LEPROTL1: variants seen among roughly 807,000 people sequenced by gnomAD.
LEPROTL1 encodes the protein leptin receptor overlapping transcript-like 1.
In LEPROTL1, 6 loss-of-function variants were observed where a neutral mutation model predicts 15.4. The ratio of observed to expected loss-of-function variants is 0.39; its 90% CI spans 0.21 to 0.77. LEPROTL1 has a LOEUF of 0.77. LEPROTL1 is among the 30% of genes least tolerant of loss of function. The probability of loss-of-function intolerance (pLI) is 0.41; values close to 1 mark genes in which losing one functional copy is unlikely to be tolerated. For synonymous variants in LEPROTL1, 56 were observed against 52.6 expected, an observed-to-expected ratio of 1.06 and a Z score of -0.28; for missense variants, 128 against 158.1, an observed-to-expected ratio of 0.81 and a Z score of 1.02.
rs79583862 is a variant in LEPROTL1, at chr8:30,106,293, A to G, written c.*431A>G. On this transcript the variant is annotated 3_prime_UTR_variant, in exon 4 of 4. Transcript: ENST00000321250. The stretch of plus-strand genomic sequence containing the variant: ...AAATTATTTAGCCTCCATTATTACA[A>G]AAAATTATAAAAATAAGTTTTCAGT... The G allele has an allele frequency of 5.0e-3, 4,972 of 985,956 alleles. 208 individuals are homozygous for G. In the African/African-American group the frequency reaches 0.082, roughly 16 times the overall value. 61.1% of individuals were successfully genotyped at this position (985,956 alleles called of 1,614,324 possible).
chr8:30,127,101 TC>T (rs1372254124), intron 3 of LEPROTL1, among the ~76,000 whole-genome samples: 1 of 152,120 alleles, frequency 6.6e-6, no homozygotes, highest in African/African-American at 2.4e-5. Flanking sequence ...TCATGACACT[TC>T]CTAGGTGATG....
chr8:30,109,319 A>T (rs12681275), downstream of LEPROTL1, among the ~76,000 whole-genome samples: 1 of 152,104 alleles, frequency 6.6e-6, no homozygotes, highest in African/African-American at 2.4e-5. Context: ...TTCAGTGAAG[A>T]TTAGGAGCTC....
intron 1 of LEPROTL1, among the ~76,000 whole-genome samples, chr8:30,101,511 T>C (rs1455974538): frequency 6.6e-6 from 1 of 151,394 alleles, no homozygotes; most frequent in African/African-American, 2.4e-5. Flanking sequence ...CTACTGAAAA[T>C]AGAAAATTAA....
At chr8:30,117,809 G>A (rs1802765815) in intron 3 of LEPROTL1, 3 of 685,764 alleles carry the variant, frequency 4.4e-6, no homozygotes, top group Admixed American at 2.3e-5. Flanking sequence ...GGCAGGAGGA[G>A]CAGTGAGACC....
downstream of LEPROTL1, chr8:30,137,703 T>C (rs192200604): frequency 9.3e-5 from 54 of 580,540 alleles, no homozygotes; most frequent in Middle Eastern, 9.1e-4. Flanking sequence ...GGACTCATTT[T>C]GGGAGGAACT....
intron 3 of LEPROTL1, among the ~76,000 whole-genome samples, chr8:30,129,977 GCTCA>G (rs751822738): frequency 1.3e-5 from 2 of 152,092 alleles, no homozygotes; most frequent in African/African-American, 2.4e-5. Context: ...TCATGTGAAA[GCTCA>G]CTCACTATTA....
At chr8:30,127,480 CT>C (rs1802921555) in intron 3 of LEPROTL1, among the ~76,000 whole-genome samples, 1 of 152,092 alleles carries the variant, frequency 6.6e-6, no homozygotes, top group Non-Finnish European at 1.5e-5. Context: ...TCCAAGGCTA[CT>C]GCCTGCAAGA....
chr8:30,124,108 C>T (rs921072707), intron 3 of LEPROTL1, among the ~76,000 whole-genome samples: 8 of 151,906 alleles, frequency 5.3e-5, no homozygotes, highest in Non-Finnish European at 8.8e-5. Flanking sequence ...AACCTAATCT[C>T]AGAGGTGACA....
chr8:30,138,280 C>A, downstream of LEPROTL1: 2 of 364,772 alleles, frequency 5.5e-6, no homozygotes, highest in Non-Finnish European at 5.1e-6. Context: ...TTTGTCTAGG[C>A]AGTGGAGAAG....
At chr8:30,124,855 G>C (rs1469237117) in intron 3 of LEPROTL1, among the ~76,000 whole-genome samples, 1 of 152,154 alleles carries the variant, frequency 6.6e-6, no homozygotes, top group African/African-American at 2.4e-5. Flanking sequence ...TCATCCATTA[G>C]GAGTTAACAT....
intron 1 of LEPROTL1, chr8:30,096,233 A>G (rs907347806): frequency 9.5e-6 from 9 of 943,684 alleles, no homozygotes; most frequent in South Asian, 9.8e-5. Flanking sequence ...AAATACTGGT[A>G]CAACTTAATG....
Position 30,105,808 on chromosome 8 carries a change from A to G in LEPROTL1, c.342A>G (p.Leu114=), listed in dbSNP as rs756994956. 2.5e-6 allele frequency: 4 copies of G among 1,579,574 alleles called. No individual in the cohort carries two copies. The Admixed American group carries it at 7.4e-5, about 29-fold the overall frequency. The change falls in exon 4 of 4, where the codon CTA becomes CTG. Residue 114 remains leucine, a synonymous_variant. Transcript: ENST00000321250. ...TGNTVIFATI[L]GFFLVFGSND... is the part of the protein sequence containing the mutation. ...ACACAGTCATCTTTGCAACTATACT[A>G]GGCTTTTTCTTGGTCTTTGGAAGCA... is the stretch of plus-strand genomic sequence containing the variant.
intron 1 of LEPROTL1, among the ~76,000 whole-genome samples, chr8:30,100,625 A>G (rs1802450143): frequency 6.6e-6 from 1 of 152,084 alleles, no homozygotes; most frequent in African/African-American, 2.4e-5. Flanking sequence ...AATTTTTTGT[A>G]TTCTTAGTAG....
At position 30,108,188 on chromosome 8, in the gene LEPROTL1, A is replaced by C. The variant is rs1034892649; in HGVS notation, c.*2326A>C. 9.6e-6 allele frequency: 2 copies of C among 207,760 alleles called. No homozygotes were observed. Among genetic ancestry groups the C allele is most frequent in the African/African-American group, 4.7e-5 (2 of 42,474 alleles). 12.9% of individuals were successfully genotyped at this position (207,760 alleles called of 1,614,324 possible). A position where few individuals can be genotyped will look rare whatever the true frequency, so the allele number is the denominator to read the frequency against. ...ATTGGTGTAATGTTAGAGTTGCAGAAGTTTCCATTCCAAAATAAAATGGAA... is the reference window on the plus strand; with the variant it reads ...ATTGGTGTAATGTTAGAGTTGCAGACGTTTCCATTCCAAAATAAAATGGAA... On this transcript the variant is annotated 3_prime_UTR_variant, in exon 4 of 4. Coordinates refer to ENST00000321250, the MANE Select transcript of LEPROTL1 (RefSeq NM_015344.3).
chr8:30,103,191 T>C (rs1802501455), intron 2 of LEPROTL1, among the ~76,000 whole-genome samples: 1 of 152,182 alleles, frequency 6.6e-6, no homozygotes, highest in Non-Finnish European at 1.5e-5. Context: ...ATGGAAATAC[T>C]AGGCAGTCTT....
intron 4 of LEPROTL1, among the ~76,000 whole-genome samples, chr8:30,136,386 A>C (rs1048281337): frequency 1.3e-5 from 2 of 152,226 alleles, no homozygotes; most frequent in Non-Finnish European, 2.9e-5. Context: ...TGGCCTCAGA[A>C]GAACCCAGCC....
At chr8:30,104,175 T>C in intron 2 of LEPROTL1, 125 bp from the exon 3 acceptor site, 1 of 490,182 alleles carries the variant, frequency 2.0e-6, no homozygotes, top group Non-Finnish European at 3.5e-6. Flanking sequence ...TTCAGCTTTA[T>C]GCTAAGGTTG....
At chr8:30,113,100 GTC>G (rs1369863448), downstream of LEPROTL1, among the ~76,000 whole-genome samples, 28 of 134,278 alleles carry the variant, frequency 2.1e-4, no homozygotes, top group African/African-American at 7.9e-4. Context: ...GTGAAACCCC[GTC>G]TCTCCAAAAA....
chr8:30,119,938 G>A (rs895215720), intron 3 of LEPROTL1, among the ~76,000 whole-genome samples: 13 of 152,102 alleles, frequency 8.5e-5, no homozygotes, highest in African/African-American at 2.2e-4. Context: ...GCGTGGTGGC[G>A]TATGCTTGTA....
Sources: allele counts gnomAD v4.1 joint callset (sites outside exome capture counted in the v4.1 genomes callset), GRCh38; gene constraint gnomAD v4.1.1; transcripts MANE v1.5; gene names NCBI Gene and HGNC (gene_info 2026-07-23, HGNC 2026-07-21).